BPNT1: variants seen among roughly 807,000 people sequenced by gnomAD.
BPNT1 encodes 3'(2'), 5'-bisphosphate nucleotidase 1, also known as 3'(2'),5'-bisphosphate nucleotidase 1.
In BPNT1, 28 loss-of-function variants were observed where a neutral mutation model predicts 36.9. The ratio of observed to expected loss-of-function variants is 0.76; its 90% CI spans 0.56 to 1.04. The LOEUF (loss-of-function observed/expected upper bound fraction) is 1.04. BPNT1 is among the 50% of genes least tolerant of loss of function. The pLI is 0.00. For synonymous variants in BPNT1, 119 were observed against 130.9 expected, an observed-to-expected ratio of 0.91 and a Z score of 0.62; for missense variants, 313 against 372.9, an observed-to-expected ratio of 0.84 and a Z score of 1.32.
Position 220,079,685 on chromosome 1 carries a change from CA to C in BPNT1, c.120+41del, listed in dbSNP as rs957160624. 2.5e-6 allele frequency: 4 copies of C among 1,610,786 alleles called. No individual in the cohort carries two copies. The African/African-American group carries it at 5.3e-5, about 22-fold the overall frequency. ...ATATCATTTAGCTAAACCTCAAGAA[CA>C]AAAATCAAGTTGGTATGAAATGATA... On this transcript the variant is annotated intron_variant, in intron 2 of 8. Coordinates refer to ENST00000322067, the MANE Select transcript of BPNT1 (RefSeq NM_006085.6).
intron 1 of BPNT1, 119 bp from the exon 2 acceptor site, chr1:220,079,973 T>C: frequency 9.6e-7 from 1 of 1,041,558 alleles, no homozygotes; most frequent in Non-Finnish European, 1.3e-6. Flanking sequence ...TCCCATTAAC[T>C]GAGTAAATTC....
At chr1:220,064,301 C>T (rs1042480699) in intron 6 of BPNT1, among the ~76,000 whole-genome samples, 1 of 152,178 alleles carries the variant, frequency 6.6e-6, no homozygotes, top group African/African-American at 2.4e-5. Context: ...TGTCCTAGAG[C>T]AGTACCCTGG....
At chr1:220,085,157 T>C (rs561070579) in intron 1 of BPNT1, among the ~76,000 whole-genome samples, 38 of 152,206 alleles carry the variant, frequency 2.5e-4, no homozygotes, top group Non-Finnish European at 4.9e-4. Flanking sequence ...TTTTTCATTA[T>C]GCTCCCTCCT....
chr1:220,065,338 GTCTC>G (rs1238255523), intron 6 of BPNT1, among the ~76,000 whole-genome samples: 1 of 152,124 alleles, frequency 6.6e-6, no homozygotes, highest in South Asian at 2.1e-4. Context: ...CTCTGGCATT[GTCTC>G]TCTCTTTCAA....
Position 220,057,943 on chromosome 1 carries a change from C to A in BPNT1, c.*901G>T, listed in dbSNP as rs1335804670. ...CTGTAATCCCAGCACTTTGGGAGTC[C>A]GAGGCAGACAGATCACGATGTCAGG... On this transcript the variant is annotated 3_prime_UTR_variant, in exon 9 of 9. Coordinates refer to ENST00000322067, the MANE Select transcript of BPNT1 (RefSeq NM_006085.6). 1 of 995,248 alleles carries A rather than the reference C, an allele frequency of 1.0e-6. No homozygotes were observed. Among genetic ancestry groups the A allele is most frequent in the Non-Finnish European group, 1.4e-6 (1 of 725,494 alleles). The allele number at this position is 995,248 out of a possible 1,614,324, so 61.7% of individuals were successfully genotyped here.
intron 6 of BPNT1, 67 bp from the exon 7 acceptor site, chr1:220,063,021 A>G: frequency 6.8e-7 from 1 of 1,463,082 alleles, no homozygotes; most frequent in South Asian, 1.1e-5. Flanking sequence ...CATAAATGGA[A>G]TATTCAGTTA....
chr1:220,084,992 T>C (rs1244737460), intron 1 of BPNT1, among the ~76,000 whole-genome samples: 3 of 152,050 alleles, frequency 2.0e-5, no homozygotes, highest in Non-Finnish European at 4.4e-5. Flanking sequence ...ACTGAATTAG[T>C]AATGAAATAG....
chr1:220,078,507 AATATAATTAT>A (rs1204468190), intron 2 of BPNT1, among the ~76,000 whole-genome samples: 1 of 141,138 alleles, frequency 7.1e-6, no homozygotes, highest in African/African-American at 2.6e-5. Flanking sequence ...AATTTTATAT[AATATAATTAT>A]ATATAATTAT....
intron 7 of BPNT1, among the ~76,000 whole-genome samples, chr1:220,060,978 A>G (rs970383742): frequency 6.6e-6 from 1 of 152,230 alleles, no homozygotes; most frequent in Non-Finnish European, 1.5e-5. Flanking sequence ...TAGAAAGAGA[A>G]TGTTCAGATT....
intron 2 of BPNT1, among the ~76,000 whole-genome samples, chr1:220,077,068 A>G (rs1158597686): frequency 6.6e-6 from 1 of 152,194 alleles, no homozygotes; most frequent in East Asian, 1.9e-4. Context: ...TATGTTATTT[A>G]ATGATTAAAG....
At chr1:220,074,131 CT>C in intron 2 of BPNT1, 60 bp from the exon 3 acceptor site, 1 of 1,466,328 alleles carries the variant, frequency 6.8e-7, no homozygotes, top group South Asian at 1.2e-5. Context: ...CCTCTGATTC[CT>C]TGTGCATGAG....
intron 7 of BPNT1, 57 bp downstream of exon 7, chr1:220,062,700 T>C (rs1663162922): frequency 3.2e-6 from 5 of 1,569,642 alleles, no homozygotes; most frequent in Admixed American, 3.4e-5. Context: ...TTTTTAGAAG[T>C]TGAGTATTTC....
At chr1:220,076,415 G>C (rs571186033) in intron 2 of BPNT1, among the ~76,000 whole-genome samples, 1 of 150,896 alleles carries the variant, frequency 6.6e-6, no homozygotes. Flanking sequence ...GCAGGAAAAC[G>C]GCATGAACCT....
At chr1:220,080,795 A>G (rs773871203) in intron 1 of BPNT1, among the ~76,000 whole-genome samples, 16 of 152,222 alleles carry the variant, frequency 1.1e-4, no homozygotes, top group Non-Finnish European at 5.9e-5. Context: ...CTGAAAATCA[A>G]TGAATATTCT....
chr1:220,074,002 G>A lies in BPNT1; in HGVS notation c.190C>T (p.Arg64Trp), dbSNP rs369375797. The A allele has an allele frequency of 4.7e-5, 76 of 1,614,026 alleles. No individual in the cohort carries two copies. In the African/African-American group the frequency reaches 5.6e-4, roughly 12 times the overall value. The change falls in exon 3 of 9, where the codon CGG becomes TGG. Residue 64 changes from arginine (R) to tryptophan (W), a missense_variant. Coordinates refer to ENST00000322067, the MANE Select transcript of BPNT1 (RefSeq NM_006085.6). ...AQMSICSSLA[R>W]KFPKLTIIGE... ...ATAATTGTGAGTTTGGGGAATTTCC[G>A]GGCCAATGAAGAACATATGCTCATC...
At position 220,058,136 on chromosome 1, in the gene BPNT1, A is replaced by G; in HGVS notation, c.*708T>C. 1 of 959,682 alleles carries G rather than the reference A, an allele frequency of 1.0e-6. No homozygotes were observed. Among genetic ancestry groups the G allele is most frequent in the Non-Finnish European group, 1.3e-6 (1 of 785,874 alleles). 59.4% of individuals were successfully genotyped at this position (959,682 alleles called of 1,614,324 possible). A position where few individuals can be genotyped will look rare whatever the true frequency, so the allele number is the denominator to read the frequency against. On this transcript the variant is annotated 3_prime_UTR_variant, in exon 9 of 9. Coordinates refer to ENST00000322067, the MANE Select transcript of BPNT1 (RefSeq NM_006085.6). ...GCTTGCAGTGAGCCGAGATCACGCCACTACATTCTAGCCTAGGCTACAGAG... is the reference window on the plus strand; with the variant it reads ...GCTTGCAGTGAGCCGAGATCACGCCGCTACATTCTAGCCTAGGCTACAGAG...
chr1:220,079,046 A>G (rs1664866333), intron 2 of BPNT1, among the ~76,000 whole-genome samples: 2 of 152,200 alleles, frequency 1.3e-5, no homozygotes, highest in Admixed American at 6.5e-5. Context: ...ATGAGGAAGA[A>G]AAGAATGTAT....
At chr1:220,086,882 TAAA>T (rs763947187) in intron 1 of BPNT1, among the ~76,000 whole-genome samples, 1 of 138,830 alleles carries the variant, frequency 7.2e-6, no homozygotes. Flanking sequence ...TTGCTAAACT[TAAA>T]AAAAAAAAAA....
At chr1:220,089,134 AGGAAGG>A (rs1285493591) in intron 1 of BPNT1, among the ~76,000 whole-genome samples, 1 of 134,452 alleles carries the variant, frequency 7.4e-6, no homozygotes, top group Non-Finnish European at 1.6e-5. Flanking sequence ...AAGAAGGAGG[AGGAAGG>A]AGGAGGAAGA....
Sources: allele counts gnomAD v4.1 joint callset (sites outside exome capture counted in the v4.1 genomes callset), GRCh38; gene constraint gnomAD v4.1.1; transcripts MANE v1.5; gene names NCBI Gene and HGNC (gene_info 2026-07-23, HGNC 2026-07-21).